The following AIMP1 variants were observed in gnomAD, a reference collection of about 807,000 sequenced individuals.
The protein encoded by AIMP1 is aminoacyl tRNA synthase complex-interacting multifunctional protein 1.
A neutral mutation model predicts 33.1 loss-of-function variants in AIMP1; 24 were observed. The ratio of observed to expected loss-of-function variants is 0.73; its 90% CI spans 0.53 to 1.02. The LOEUF (loss-of-function observed/expected upper bound fraction) is 1.02. Ranked by LOEUF, AIMP1 falls within the 50% of genes least tolerant of loss-of-function variation. The probability of loss-of-function intolerance (pLI) is 0.00; values close to 1 mark genes in which losing one functional copy is unlikely to be tolerated. For synonymous variants in AIMP1, 120 were observed against 121.5 expected (o/e 0.99, Z 0.08); for missense variants, 367 against 364.8 (o/e 1.01, Z -0.05).
intron 4 of AIMP1, among the ~76,000 whole-genome samples, chr4:106,328,986 A>G (rs1769560043): frequency 6.6e-6 from 1 of 152,034 alleles, no homozygotes; most frequent in Admixed American, 6.6e-5. Context: ...GATATGTCTA[A>G]AAAGTTGCCT....
chr4:106,340,612 G>A (rs917494419), intron 6 of AIMP1, among the ~76,000 whole-genome samples: 1 of 152,086 alleles, frequency 6.6e-6, no homozygotes, highest in Admixed American at 6.6e-5. Flanking sequence ...TTGCTGCAAA[G>A]GATATTAATT....
At position 106,348,141 on chromosome 4, in the gene AIMP1, A is replaced by G. The variant is rs1025094954; in HGVS notation, c.*449A>G. 1.3e-5 allele frequency: 2 copies of G among 156,276 alleles called. No homozygotes were observed. Among genetic ancestry groups the G allele is most frequent in the Non-Finnish European group, 2.8e-5 (2 of 70,732 alleles). 9.7% of individuals were successfully genotyped at this position (156,276 alleles called of 1,614,324 possible). The stretch of plus-strand genomic sequence containing the variant: ...TGTTTGTCAGACTTATTAACTGGTC[A>G]TATTATAATAATACTGATAATGACC... On this transcript the variant is annotated 3_prime_UTR_variant, in exon 7 of 7. Coordinates refer to ENST00000672341, the MANE Select transcript of AIMP1 (RefSeq NM_001142416.2).
chr4:106,320,680 AAGG>A (rs1769180564), intron 1 of AIMP1, among the ~76,000 whole-genome samples: 1 of 152,084 alleles, frequency 6.6e-6, no homozygotes, highest in Non-Finnish European at 1.5e-5. Flanking sequence ...GGAGCCCTGA[AAGG>A]AGGTGACAAG....
chr4:106,347,790 G>T lies in AIMP1; in HGVS notation c.*98G>T. On this transcript the variant is annotated 3_prime_UTR_variant, in exon 7 of 7. Transcript: ENST00000672341. Reference sequence around the variant, plus strand: ...CCTAAAATATGAGTGGCTCATTTTTGCATTACTCTCTTCTAGACTTGACTA... The same window carrying T: ...CCTAAAATATGAGTGGCTCATTTTTTCATTACTCTCTTCTAGACTTGACTA... 7 of 1,325,398 alleles carry T rather than the reference G, an allele frequency of 5.3e-6. No individual in the cohort carries two copies. The highest frequency in any genetic ancestry group is 7.4e-6 in the Non-Finnish European group (7 of 951,662). The allele number at this position is 1,325,398 out of a possible 1,614,324, so 82.1% of individuals were successfully genotyped here.
chr4:106,334,560 C>G (rs771258558), intron 5 of AIMP1, among the ~76,000 whole-genome samples: 7 of 152,104 alleles, frequency 4.6e-5, no homozygotes, highest in Non-Finnish European at 1.0e-4. Context: ...CCACCACACA[C>G]AAGCAACAAA....
chr4:106,316,525 A>G, upstream of AIMP1: 3 of 1,551,554 alleles, frequency 1.9e-6, no homozygotes, highest in Non-Finnish European at 2.6e-6. Context: ...TCACTGCTAT[A>G]GTACGCGGGT....
intron 1 of AIMP1, among the ~76,000 whole-genome samples, chr4:106,322,297 T>TAAA (rs11432155): frequency 6.9e-6 from 1 of 145,620 alleles, no homozygotes. Flanking sequence ...TAAAAAAAAT[T>TAAA]AAAAAAAAAA....
rs1357063308 is a variant in AIMP1, at chr4:106,347,612, A to G, written c.859A>G (p.Thr287Ala). The G allele has an allele frequency of 1.2e-6, 2 of 1,613,526 alleles. No individual in the cohort carries two copies. Among genetic ancestry groups the G allele is most frequent in the Non-Finnish European group, 1.7e-6 (2 of 1,179,688 alleles). The stretch of plus-strand genomic sequence containing the variant: ...TCACACTAATGATGAGTGTGTGGCT[A>G]CATACAAAGGAGTTCCCTTTGAGGT... ...DLHTNDECVA[T>A]YKGVPFEVKG... Residue 287 changes from threonine (T) to alanine (A), a missense_variant, in exon 7 of 7, where the codon ACA (threonine) becomes GCA (alanine). Thr to Ala is a moderately conservative substitution (Grantham distance 58). Coordinates refer to ENST00000672341, the MANE Select transcript of AIMP1 (RefSeq NM_001142416.2).
At chr4:106,323,491 C>A (rs1395728318) in intron 1 of AIMP1, among the ~76,000 whole-genome samples, 1 of 151,834 alleles carries the variant, frequency 6.6e-6, no homozygotes, top group Non-Finnish European at 1.5e-5. Context: ...CCTTTAAACT[C>A]TGCTATTTTT....
intron 6 of AIMP1, among the ~76,000 whole-genome samples, chr4:106,337,535 G>A (rs916340479): frequency 5.3e-5 from 8 of 152,184 alleles, no homozygotes; most frequent in Non-Finnish European, 1.2e-4. Context: ...CTGCAGCCAT[G>A]TGGAACTGTT....
intron 5 of AIMP1, among the ~76,000 whole-genome samples, chr4:106,332,085 T>C (rs1009375051): frequency 6.6e-6 from 1 of 152,174 alleles, no homozygotes; most frequent in African/African-American, 2.4e-5. Flanking sequence ...AATTAAGATA[T>C]AATGCATAAG....
At chr4:106,341,309 G>C (rs921381608) in intron 6 of AIMP1, among the ~76,000 whole-genome samples, 1 of 152,028 alleles carries the variant, frequency 6.6e-6, no homozygotes, top group Non-Finnish European at 1.5e-5. Flanking sequence ...TGGAGACTTC[G>C]TCATAAATTC....
intron 5 of AIMP1, among the ~76,000 whole-genome samples, chr4:106,334,580 A>T (rs1014603779): frequency 3.9e-5 from 6 of 152,176 alleles, no homozygotes; most frequent in Admixed American, 6.5e-5. Flanking sequence ...ACATATTTTT[A>T]AAAATAGCCC....
At chr4:106,341,637 C>T (rs1770102804) in intron 6 of AIMP1, among the ~76,000 whole-genome samples, 1 of 151,936 alleles carries the variant, frequency 6.6e-6, no homozygotes, top group African/African-American at 2.4e-5. Context: ...TATCTTGTTG[C>T]ATTTGTCTGT....
chr4:106,340,587 C>T (rs1770058505), intron 6 of AIMP1, among the ~76,000 whole-genome samples: 1 of 152,132 alleles, frequency 6.6e-6, no homozygotes, highest in Non-Finnish European at 1.5e-5. Flanking sequence ...ACAATGGCTT[C>T]CAGCTGCATC....
intron 5 of AIMP1, among the ~76,000 whole-genome samples, chr4:106,335,611 CTT>C (rs571985935): frequency 3.9e-4 from 60 of 152,244 alleles, no homozygotes; most frequent in Non-Finnish European, 6.0e-4. Flanking sequence ...CTCTTAAACA[CTT>C]TTGCTGTAAC....
chr4:106,316,700 C>T (rs1768925293), intron 1 of AIMP1, 106 bp downstream of exon 1: 2 of 1,111,058 alleles, frequency 1.8e-6, no homozygotes, highest in South Asian at 1.5e-5. Context: ...GCCTGCGCTG[C>T]TAATGGGTAG....
chr4:106,339,184 C>T (rs1770004031), intron 6 of AIMP1, among the ~76,000 whole-genome samples: 1 of 152,168 alleles, frequency 6.6e-6, no homozygotes, highest in South Asian at 2.1e-4. Flanking sequence ...TGAGTTAATA[C>T]TGAAATGAGT....
chr4:106,337,960 C>CA (rs2125926642), intron 6 of AIMP1, among the ~76,000 whole-genome samples: 1 of 152,266 alleles, frequency 6.6e-6, no homozygotes, highest in African/African-American at 2.4e-5. Context: ...TATACTTTAG[C>CA]AAAGAGACTG....
Sources: gnomAD v4.1 joint callset for allele counts (sites outside exome capture counted in the v4.1 genomes callset) on GRCh38, gnomAD v4.1.1 for gene constraint, MANE v1.5 for transcripts, NCBI Gene and HGNC (gene_info 2026-07-23, HGNC 2026-07-21) for gene names.